Variants in LRRTM4 observed in about 807,000 individuals in gnomAD.
LRRTM4 encodes leucine rich repeat transmembrane neuronal 4.
Under a neutral mutation model 47.6 loss-of-function variants are expected in LRRTM4, and 25 were observed. The ratio of observed to expected loss-of-function variants is 0.53; its 90% CI spans 0.38 to 0.73. The LOEUF is 0.73. Ranked by LOEUF, LRRTM4 falls within the 30% of genes least tolerant of loss-of-function variation. LRRTM4 has a pLI of 0.00. For missense variants in LRRTM4, 638 were observed against 713.4 expected (o/e 0.89, Z 1.20); for synonymous variants, 311 against 269.5 (o/e 1.15, Z -1.51).
At chr2:77,164,034 C>T (rs1367135148) in intron 3 of LRRTM4, among the ~76,000 whole-genome samples, 1 of 152,052 alleles carries the variant, frequency 6.6e-6, no homozygotes, top group Non-Finnish European at 1.5e-5. Flanking sequence ...AAGCAGTCAA[C>T]ACCCATCAGT....
chr2:77,049,710 T>C (rs1276639060), intron 3 of LRRTM4, among the ~76,000 whole-genome samples: 1 of 152,056 alleles, frequency 6.6e-6, no homozygotes, highest in East Asian at 1.9e-4. Context: ...TGATGAATAG[T>C]ATGCAAATAA....
intron 3 of LRRTM4, among the ~76,000 whole-genome samples, chr2:76,796,571 G>A (rs1341329712): frequency 8.4e-6 from 1 of 119,704 alleles, no homozygotes; most frequent in African/African-American, 3.7e-5. Context: ...ACACGGCAGG[G>A]TATTCCAACA....
At chr2:77,517,275 T>C in intron 3 of LRRTM4, 1 of 983,012 alleles carries the variant, frequency 1.0e-6, no homozygotes, top group Non-Finnish European at 1.2e-6. Context: ...AAAACAAAAA[T>C]AATATAACAT....
chr2:77,316,995 T>A (rs1677637988), intron 3 of LRRTM4, among the ~76,000 whole-genome samples: 2 of 152,170 alleles, frequency 1.3e-5, no homozygotes, highest in African/African-American at 4.8e-5. Context: ...TTTCTAATAA[T>A]GAAACTTGGA....
intron 3 of LRRTM4, among the ~76,000 whole-genome samples, chr2:77,434,122 A>C (rs13396409): frequency 0.33 from 50,248 of 151,972 alleles, 8,422 homozygotes; most frequent in South Asian, 0.37. Flanking sequence ...CAGTGATAAA[A>C]TTAAGATAAT....
intron 3 of LRRTM4, among the ~76,000 whole-genome samples, chr2:76,886,334 T>C (rs901317204): frequency 2.6e-5 from 4 of 152,186 alleles, no homozygotes; most frequent in African/African-American, 9.6e-5. Flanking sequence ...AACTTGCACA[T>C]ACATGCAACA....
intron 3 of LRRTM4, among the ~76,000 whole-genome samples, chr2:77,471,472 T>C (rs2103993523): frequency 6.6e-6 from 1 of 152,222 alleles, no homozygotes; most frequent in African/African-American, 2.4e-5. Flanking sequence ...ATTGATTATG[T>C]CACTCATCTT....
At chr2:76,910,938 T>C (rs114193273) in intron 3 of LRRTM4, among the ~76,000 whole-genome samples, 2,137 of 152,332 alleles carry the variant, frequency 0.014, 42 homozygotes, top group African/African-American at 0.047. Flanking sequence ...TACTGAGAAA[T>C]ACATTCATTT....
At chr2:76,821,042 T>C (rs1671039651) in intron 3 of LRRTM4, among the ~76,000 whole-genome samples, 1 of 151,698 alleles carries the variant, frequency 6.6e-6, no homozygotes, top group Non-Finnish European at 1.5e-5. Context: ...CAAGGGTCTA[T>C]ATTCCACTGA....
At chr2:77,091,077 A>G (rs57784610) in intron 3 of LRRTM4, among the ~76,000 whole-genome samples, 66,027 of 129,954 alleles carry the variant, frequency 0.51, 17,005 homozygotes, top group African/African-American at 0.75. Context: ...AGCTGAGACA[A>G]TACTCTTATA....
At chr2:77,303,656 C>T (rs1475001931) in intron 3 of LRRTM4, among the ~76,000 whole-genome samples, 2 of 152,158 alleles carry the variant, frequency 1.3e-5, no homozygotes, top group Non-Finnish European at 2.9e-5. Context: ...CAATTATCTA[C>T]TTCTATGATA....
rs367999372 is a variant in LRRTM4, at chr2:77,300,714, T to C, written c.1551+217604A>G. ...AAAAGGATCTGAGGAACATATTTAA[T>C]ATATTTAATATGCCTGCTCATATGT... On this transcript the variant is annotated intron_variant, in intron 3 of 3. Transcript: ENST00000409884. Among the ~76,000 whole-genome samples, 45 of 152,258 alleles carry C rather than the reference T, an allele frequency of 3.0e-4. No individual in the cohort carries two copies. In the South Asian group the frequency reaches 9.1e-3, roughly 31 times the overall value.
intron 3 of LRRTM4, among the ~76,000 whole-genome samples, chr2:77,472,242 T>C (rs900164987): frequency 2.0e-5 from 3 of 152,156 alleles, no homozygotes; most frequent in African/African-American, 4.8e-5. Flanking sequence ...AAAATATGTG[T>C]GTTAGGTGAT....
At chr2:77,343,110 C>G (rs1007904982) in intron 3 of LRRTM4, among the ~76,000 whole-genome samples, 1 of 151,904 alleles carries the variant, frequency 6.6e-6, no homozygotes, top group Non-Finnish European at 1.5e-5. Context: ...TCCCCCAGGT[C>G]GTTTGAGGTA....
In LRRTM4 at chr2:77,085,459, G is replaced by C. The variant is rs141807364; in HGVS notation, c.1552-336543C>G. ...GCTATCTCTTTCTAAATAAAAGACA[G>C]ATTAACTTATACTAAAATTATTAAA... On this transcript the variant is annotated intron_variant, in intron 3 of 3. Transcript: ENST00000409884. Among the ~76,000 whole-genome samples the C allele has an allele frequency of 8.2e-3, 1,230 of 150,680 alleles. 17 individuals carry two copies. The highest frequency in any genetic ancestry group is 0.028 in the African/African-American group (1,148 of 41,062).
intron 3 of LRRTM4, among the ~76,000 whole-genome samples, chr2:77,020,823 A>G (rs762406311): frequency 1.9e-4 from 29 of 152,204 alleles, no homozygotes; most frequent in Non-Finnish European, 3.7e-4. Context: ...TTCCATGTCC[A>G]AGGAACAGAA....
chr2:77,265,345 G>T (rs1396538284), intron 3 of LRRTM4, among the ~76,000 whole-genome samples: 1 of 152,092 alleles, frequency 6.6e-6, no homozygotes, highest in Non-Finnish European at 1.5e-5. Flanking sequence ...AGATAATTCA[G>T]TCATGAGGTC....
intron 3 of LRRTM4, among the ~76,000 whole-genome samples, chr2:76,858,045 ACAT>A (rs1672205469): frequency 1.3e-5 from 2 of 152,136 alleles, no homozygotes; most frequent in African/African-American, 4.8e-5. Context: ...AGTATAAATA[ACAT>A]CATATTTGCA....
intron 3 of LRRTM4, among the ~76,000 whole-genome samples, chr2:76,851,742 T>G (rs1345077175): frequency 6.8e-6 from 1 of 147,974 alleles, no homozygotes; most frequent in African/African-American, 2.5e-5. Flanking sequence ...GCTTAGATTT[T>G]TAACTTTTAT....
Sources: allele counts gnomAD v4.1 joint callset (sites outside exome capture counted in the v4.1 genomes callset), GRCh38; gene constraint gnomAD v4.1.1; transcripts MANE v1.5; gene names NCBI Gene and HGNC (gene_info 2026-07-23, HGNC 2026-07-21).